NELL1: variants seen among roughly 807,000 people sequenced by gnomAD.
NELL1 encodes the protein protein kinase C-binding protein NELL1.
In NELL1, 76 loss-of-function variants were observed where a neutral mutation model predicts 107.4. The ratio of observed to expected loss-of-function variants is 0.71; its 90% CI spans 0.59 to 0.86. The LOEUF (loss-of-function observed/expected upper bound fraction) is 0.86, where lower values mean the gene tolerates loss of function less well. Among genes scored for constraint, NELL1 ranks in the 40% least tolerant of loss-of-function variants. The pLI, the probability that NELL1 is intolerant of heterozygous loss-of-function variation, is 0.00. For synonymous variants in NELL1, 353 were observed against 341.2 expected, an observed-to-expected ratio of 1.03 and a Z score of -0.38; for missense variants, 1,024 against 1,005.5, an observed-to-expected ratio of 1.02 and a Z score of -0.25.
intron 12 of NELL1, among the ~76,000 whole-genome samples, chr11:21,071,323 T>A (rs1854008629): frequency 1.3e-5 from 2 of 152,196 alleles, no homozygotes; most frequent in South Asian, 2.1e-4. Context: ...ATACACTCAG[T>A]AAATATTACA....
chr11:21,211,836 T>C (rs971470328), intron 13 of NELL1, among the ~76,000 whole-genome samples: 2 of 152,090 alleles, frequency 1.3e-5, no homozygotes, highest in African/African-American at 4.8e-5. Flanking sequence ...TTTGGTTTTT[T>C]TGTTTTTGAG....
At chr11:21,535,513 A>G in intron 16 of NELL1, among the ~76,000 whole-genome samples, 1 of 152,192 alleles carries the variant, frequency 6.6e-6, no homozygotes, top group East Asian at 1.9e-4. Context: ...GCAAAGATGA[A>G]TTACAGAACA....
At chr11:21,390,210 A>G (rs1029156294) in intron 15 of NELL1, among the ~76,000 whole-genome samples, 1 of 151,598 alleles carries the variant, frequency 6.6e-6, no homozygotes, top group South Asian at 2.1e-4. Context: ...TAAAGTACCT[A>G]TTTAAGAATT....
chr11:21,519,089 C>G (rs956812700), intron 15 of NELL1, among the ~76,000 whole-genome samples: 5 of 152,184 alleles, frequency 3.3e-5, no homozygotes, highest in African/African-American at 1.2e-4. Context: ...TCCTCACGTT[C>G]TCCAGCCAGC....
rs151333230 is a variant in NELL1 at position 21,447,046 on chromosome 11, T to C, written c.1645+76098T>C. 5.8e-3 allele frequency among the ~76,000 whole-genome samples: 886 copies of C among 152,306 alleles called. 3 individuals carry two copies. The highest frequency in any genetic ancestry group is 0.01 in the Middle Eastern group (3 of 292). Reference sequence around the variant, plus strand: ...CCAGGCAGAAGTGTCTCTTCCCATGTCTGCCACCAATACAGGCCCACAAGT... The same window carrying C: ...CCAGGCAGAAGTGTCTCTTCCCATGCCTGCCACCAATACAGGCCCACAAGT... On this transcript the variant is annotated intron_variant, in intron 15 of 19. Transcript: ENST00000357134.
chr11:21,533,371 C>A (rs1412744190), intron 15 of NELL1, among the ~76,000 whole-genome samples: 3 of 152,072 alleles, frequency 2.0e-5, no homozygotes, highest in Non-Finnish European at 4.4e-5. Context: ...GGGTTAGATT[C>A]CAATGTTAAT....
At chr11:21,001,822 C>A (rs1852228430) in intron 12 of NELL1, among the ~76,000 whole-genome samples, 1 of 151,794 alleles carries the variant, frequency 6.6e-6, no homozygotes, top group Non-Finnish European at 1.5e-5. Context: ...AGAAATTGCA[C>A]ATTTCCTGGA....
At chr11:21,390,546 C>A (rs1157517471) in intron 15 of NELL1, among the ~76,000 whole-genome samples, 1 of 151,326 alleles carries the variant, frequency 6.6e-6, no homozygotes, top group Non-Finnish European at 1.5e-5. Context: ...CACGTGCGCA[C>A]GCACCCAAAC....
chr11:21,477,924 A>T (rs201758764), intron 15 of NELL1, among the ~76,000 whole-genome samples: 11 of 32,418 alleles, frequency 3.4e-4, no homozygotes, highest in East Asian at 5.5e-3. Flanking sequence ...TATAATAAAA[A>T]GAAGCAGAAA....
chr11:20,747,047 C>T (rs981870469), intron 2 of NELL1, among the ~76,000 whole-genome samples: 1 of 152,142 alleles, frequency 6.6e-6, no homozygotes. Context: ...ATGTCTTGTT[C>T]ACAATTACAT....
At chr11:20,871,119 A>G (rs1181629402) in intron 4 of NELL1, among the ~76,000 whole-genome samples, 1 of 152,214 alleles carries the variant, frequency 6.6e-6, no homozygotes, top group African/African-American at 2.4e-5. Flanking sequence ...AGTAGCTACC[A>G]TTATTCAGCT....
At chr11:21,561,222 TA>T (rs1338076465) in intron 17 of NELL1, among the ~76,000 whole-genome samples, 1 of 152,050 alleles carries the variant, frequency 6.6e-6, no homozygotes, top group African/African-American at 2.4e-5. Context: ...AGTCTCCTGA[TA>T]AATTCCCAGT....
chr11:21,049,466 G>A (rs1337361849), intron 12 of NELL1, among the ~76,000 whole-genome samples: 2 of 151,922 alleles, frequency 1.3e-5, no homozygotes, highest in Non-Finnish European at 2.9e-5. Context: ...ATCTCTTTTA[G>A]CCAACTTTAG....
intron 2 of NELL1, among the ~76,000 whole-genome samples, chr11:20,771,281 C>T (rs1409489523): frequency 6.6e-6 from 1 of 152,134 alleles, no homozygotes; most frequent in Non-Finnish European, 1.5e-5. Context: ...AGTGTCAAAT[C>T]TGTGCAGTTT....
Position 21,249,527 on chromosome 11 carries a change from C to T in NELL1, c.1549+20073C>T, listed in dbSNP as rs540599270. On this transcript the variant is annotated intron_variant, in intron 14 of 19. Coordinates refer to ENST00000357134, the MANE Select transcript of NELL1 (RefSeq NM_006157.5). ...CATTTAGATGCCTCTTTTGAAAGAA[C>T]ATTTTGTCTTTTTAAACTGAGTTTA... is the stretch of plus-strand genomic sequence containing the variant. Among the ~76,000 whole-genome samples, 8 of 151,354 alleles carry T rather than the reference C, an allele frequency of 5.3e-5. No homozygotes were observed. In the South Asian group the frequency reaches 1.5e-3, roughly 28 times the overall value.
At chr11:20,838,710 G>A (rs952489132) in intron 3 of NELL1, among the ~76,000 whole-genome samples, 31 of 152,102 alleles carry the variant, frequency 2.0e-4, no homozygotes, top group African/African-American at 7.2e-4. Context: ...TATATTTCTT[G>A]TTTGGGAACA....
intron 14 of NELL1, among the ~76,000 whole-genome samples, chr11:21,339,079 G>T (rs1363292530): frequency 6.6e-6 from 1 of 152,088 alleles, no homozygotes; most frequent in East Asian, 1.9e-4. Context: ...CCACTGTTCT[G>T]GGCTAAATTG....
At chr11:20,974,878 T>G (rs1218789876) in intron 12 of NELL1, among the ~76,000 whole-genome samples, 1 of 152,228 alleles carries the variant, frequency 6.6e-6, no homozygotes, top group Non-Finnish European at 1.5e-5. Flanking sequence ...TTCTACAACC[T>G]GATGCCTCAA....
intron 15 of NELL1, among the ~76,000 whole-genome samples, chr11:21,373,166 T>C (rs1314349222): frequency 6.6e-6 from 1 of 152,104 alleles, no homozygotes; most frequent in Non-Finnish European, 1.5e-5. Context: ...TATTGGCCAA[T>C]ACTCAAATTC....
Sources: allele counts gnomAD v4.1 joint callset (sites outside exome capture counted in the v4.1 genomes callset), GRCh38; gene constraint gnomAD v4.1.1; transcripts MANE v1.5; gene names NCBI Gene and HGNC (gene_info 2026-07-23, HGNC 2026-07-21).